The following MYL4 variants were observed in gnomAD, a reference collection of about 807,000 sequenced individuals.
MYL4 encodes myosin light chain 4.
A neutral mutation model predicts 21.6 loss-of-function variants in MYL4; 16 were observed. The observed-to-expected ratio is 0.74, with a 90% confidence interval of 0.50 to 1.12. The LOEUF (loss-of-function observed/expected upper bound fraction) is 1.12, where lower values mean the gene tolerates loss of function less well. MYL4 is among the 50% of genes most tolerant of loss of function. The pLI is 0.00. For synonymous variants in MYL4, 82 were observed against 95.7 expected, an observed-to-expected ratio of 0.86 and a Z score of 0.83; for missense variants, 249 against 252.9, an observed-to-expected ratio of 0.98 and a Z score of 0.11.
At chr17:47,215,009 G>A (rs755380435) in intron 2 of MYL4, among the ~76,000 whole-genome samples, 10 of 152,014 alleles carry the variant, frequency 6.6e-5, no homozygotes, top group East Asian at 1.9e-4. Flanking sequence ...GCTTTCTTTC[G>A]CCTGTGGCCT....
At chr17:47,209,012 C>A, upstream of MYL4, 1 of 234,582 alleles carries the variant, frequency 4.3e-6, no homozygotes, top group South Asian at 6.1e-5. Flanking sequence ...AAAAGCCTCA[C>A]CCTCCCCTGG....
chr17:47,204,931 G>A (rs553730915), upstream of MYL4, among the ~76,000 whole-genome samples: 4 of 152,340 alleles, frequency 2.6e-5, no homozygotes, highest in African/African-American at 9.6e-5. Context: ...AGAAGAGAGA[G>A]AGAGGGTGAC....
chr17:47,192,446 G>A, the MYL4 span, among the ~76,000 whole-genome samples: 13 of 151,622 alleles, frequency 8.6e-5, no homozygotes, highest in African/African-American at 2.7e-4. Context: ...TCAGGAGATC[G>A]AGACCATCCT....
At chr17:47,198,558 G>A (rs2064697872), upstream of MYL4, among the ~76,000 whole-genome samples, 1 of 152,168 alleles carries the variant, frequency 6.6e-6, no homozygotes, top group Non-Finnish European at 1.5e-5. Context: ...TTAGTATTCA[G>A]TTTACACCGT....
At chr17:47,200,393 G>A (rs1019600373), upstream of MYL4, 7 of 152,106 alleles carry the variant, frequency 4.6e-5, no homozygotes, top group African/African-American at 1.7e-4. Context: ...TTGCCCCCTT[G>A]GGGGCTAAGC....
At chr17:47,207,729 T>G (rs530961188), upstream of MYL4, among the ~76,000 whole-genome samples, 2 of 152,354 alleles carry the variant, frequency 1.3e-5, no homozygotes, top group South Asian at 4.1e-4. Context: ...TAAGCTTTTT[T>G]GTTGTTATTT....
chr17:47,211,880 T>C (rs937404186), intron 1 of MYL4, among the ~76,000 whole-genome samples: 2 of 146,566 alleles, frequency 1.4e-5, no homozygotes, highest in Non-Finnish European at 3.0e-5. Flanking sequence ...TGGGATGGGG[T>C]GGGGTGGGGT....
chr17:47,219,623 C>T (rs1311937350), intron 2 of MYL4, among the ~76,000 whole-genome samples: 6 of 152,086 alleles, frequency 3.9e-5, no homozygotes, highest in African/African-American at 9.7e-5. Context: ...ATTCTCGGGC[C>T]GCAGCCTCCC....
the MYL4 span, among the ~76,000 whole-genome samples, chr17:47,194,285 G>A: frequency 6.6e-6 from 1 of 152,150 alleles, no homozygotes; most frequent in African/African-American, 2.4e-5. Flanking sequence ...ATTAGATAAG[G>A]GTTAGTTTAA....
chr17:47,202,727 C>T (rs1307397615), intron 1 of MYL4, among the ~76,000 whole-genome samples: 1 of 151,060 alleles, frequency 6.6e-6, no homozygotes, highest in Non-Finnish European at 1.5e-5. Flanking sequence ...TCAACAAAAG[C>T]AACTCTAAAT....
At chr17:47,201,571 C>G (rs34885810) in intron 1 of MYL4, among the ~76,000 whole-genome samples, 2 of 152,060 alleles carry the variant, frequency 1.3e-5, no homozygotes, top group African/African-American at 2.4e-5. Context: ...ATTCTCATGC[C>G]TCAGTCTCCC....
intron 4 of MYL4, 114 bp from the exon 5 acceptor site, chr17:47,222,266 C>T: frequency 9.6e-7 from 1 of 1,037,092 alleles, no homozygotes; most frequent in South Asian, 1.3e-5. Flanking sequence ...GTTTGAACCA[C>T]CTCCCAGATC....
At chr17:47,222,241 T>C in intron 4 of MYL4, 139 bp from the exon 5 acceptor site, 1 of 837,174 alleles carries the variant, frequency 1.2e-6, no homozygotes. Flanking sequence ...CTTCAGAACC[T>C]CTGGGAGAGG....
chr17:47,197,092 G>GTTTTTTTTTTTTT (rs71365051), upstream of MYL4, among the ~76,000 whole-genome samples: 1 of 113,354 alleles, frequency 8.8e-6, no homozygotes, highest in African/African-American at 3.7e-5. Flanking sequence ...TCCTTAAAGG[G>GTTTTTTTTTTTTT]TTTTTTTTTT....
chr17:47,200,277 T>C (rs762010269), upstream of MYL4, among the ~76,000 whole-genome samples: 2 of 151,852 alleles, frequency 1.3e-5, no homozygotes, highest in Non-Finnish European at 2.9e-5. Flanking sequence ...GCATTAAAAA[T>C]ATATCCCCAA....
intron 3 of MYL4, 121 bp downstream of exon 3, chr17:47,220,174 C>G: frequency 8.2e-7 from 1 of 1,219,934 alleles, no homozygotes; most frequent in Non-Finnish European, 1.1e-6. Flanking sequence ...CCCCTCAGGA[C>G]CAGCCTCACC....
upstream of MYL4, among the ~76,000 whole-genome samples, chr17:47,198,915 G>A (rs2064699214): frequency 6.6e-6 from 1 of 151,424 alleles, no homozygotes; most frequent in African/African-American, 2.4e-5. Flanking sequence ...GAGCCTAGAA[G>A]TTCGAAGTTG....
In MYL4 at chr17:47,221,741, C is replaced by G; in HGVS notation, c.373C>G (p.Arg125Gly). ...TFLPILQHIS[R>G]NKEQGTYEDF... ...CTTGCCCATCCTGCAGCACATTTCC[C>G]GCAACAAGGAGCAGGGCACCTATGA... The change falls in exon 4 of 7, where the codon CGC becomes GGC. Residue 125 changes from arginine (R) to glycine (G), a missense_variant. Transcript: ENST00000393450. 6.2e-7 allele frequency: 1 copy of G among 1,614,116 alleles called. No homozygotes were observed. The highest frequency in any genetic ancestry group is 1.1e-5 in the South Asian group (1 of 91,068).
upstream of MYL4, among the ~76,000 whole-genome samples, chr17:47,206,965 A>C (rs1306665017): frequency 2.6e-5 from 4 of 152,086 alleles, no homozygotes; most frequent in African/African-American, 9.7e-5. Flanking sequence ...AACAACCTGA[A>C]CTCCCAACCC....
Sources: allele counts gnomAD v4.1 joint callset (sites outside exome capture counted in the v4.1 genomes callset), GRCh38; gene constraint gnomAD v4.1.1; transcripts MANE v1.5; gene names NCBI Gene and HGNC (gene_info 2026-07-23, HGNC 2026-07-21).